UNC13C: variants seen among roughly 807,000 people sequenced by gnomAD.
UNC13C encodes the protein protein unc-13 homolog C.
UNC13C carries 174 observed loss-of-function variants against 245.4 expected under a neutral mutation model. The ratio of observed to expected loss-of-function variants is 0.71; its 90% CI spans 0.63 to 0.80. The LOEUF is 0.80. Ranked by LOEUF, UNC13C falls within the 30% of genes least tolerant of loss-of-function variation. UNC13C has a pLI of 0.00. For synonymous variants in UNC13C, 992 were observed against 895.1 expected (o/e 1.11, Z -1.93); for missense variants, 2,829 against 2,602.9 (o/e 1.09, Z -1.89).
At chr15:54,108,257 G>A (rs1351438536) in intron 2 of UNC13C, among the ~76,000 whole-genome samples, 1 of 152,202 alleles carries the variant, frequency 6.6e-6, no homozygotes, top group South Asian at 2.1e-4. Context: ...CGCGATCTTG[G>A]CTCGCTGCAA....
intron 17 of UNC13C, among the ~76,000 whole-genome samples, chr15:54,367,032 T>G (rs1293950457): frequency 6.6e-6 from 1 of 152,186 alleles, no homozygotes; most frequent in African/African-American, 2.4e-5. Context: ...TTATGATGCA[T>G]GTAATTTAAT....
At chr15:53,911,574 A>C in the UNC13C span, 1 of 152,318 alleles carries the variant, frequency 6.6e-6, no homozygotes, top group African/African-American at 2.4e-5. Context: ...GAGATGGAGA[A>C]TCTGGCTTCT....
intron 15 of UNC13C, among the ~76,000 whole-genome samples, chr15:54,332,618 G>A (rs2038468977): frequency 6.6e-6 from 1 of 151,720 alleles, no homozygotes; most frequent in South Asian, 2.1e-4. Flanking sequence ...TCACCTCCTG[G>A]GGAAACACAT....
intron 4 of UNC13C, among the ~76,000 whole-genome samples, chr15:54,146,734 C>G (rs1244057123): frequency 6.6e-6 from 1 of 152,116 alleles, no homozygotes; most frequent in Non-Finnish European, 1.5e-5. Flanking sequence ...AGCAAAGAGT[C>G]ATACAGAAAG....
chr15:54,138,747 A>T (rs1313222711), intron 2 of UNC13C, among the ~76,000 whole-genome samples: 1 of 151,790 alleles, frequency 6.6e-6, no homozygotes, highest in African/African-American at 2.4e-5. Context: ...AAATTGAGTG[A>T]CTTAGAGTAG....
intron 1 of UNC13C, among the ~76,000 whole-genome samples, chr15:53,979,923 G>A (rs1353938426): frequency 6.6e-6 from 1 of 152,084 alleles, no homozygotes; most frequent in Non-Finnish European, 1.5e-5. Context: ...AATTAAATGT[G>A]CATATGTCTA....
At chr15:54,354,341 G>T (rs1456121389) in intron 17 of UNC13C, among the ~76,000 whole-genome samples, 2 of 152,184 alleles carry the variant, frequency 1.3e-5, no homozygotes, top group African/African-American at 4.8e-5. Flanking sequence ...CCAGACAGGA[G>T]TTTGTGCTAT....
intron 2 of UNC13C, among the ~76,000 whole-genome samples, chr15:54,073,365 T>G (rs1285948419): frequency 6.6e-6 from 1 of 152,146 alleles, no homozygotes; most frequent in Non-Finnish European, 1.5e-5. Flanking sequence ...TCTTTATAGT[T>G]GAATGATTTA....
the UNC13C span, among the ~76,000 whole-genome samples, chr15:53,858,640 C>T: frequency 1.3e-5 from 2 of 151,910 alleles, no homozygotes; most frequent in Non-Finnish European, 2.9e-5. Context: ...AGGCTGGTCT[C>T]GAACTCCTGA....
At chr15:53,936,925 A>C in the UNC13C span, among the ~76,000 whole-genome samples, 1 of 152,188 alleles carries the variant, frequency 6.6e-6, no homozygotes, top group African/African-American at 2.4e-5. Flanking sequence ...AAAGATGAGA[A>C]AGAATCAATG....
At position 54,033,129 on chromosome 15, in the gene UNC13C, T is replaced by A. The variant is rs149676815; in HGVS notation, c.2983+17243T>A. Among the ~76,000 whole-genome samples the A allele has an allele frequency of 2.1e-3, 314 of 152,092 alleles. 2 individuals carry two copies. The highest frequency in any genetic ancestry group is 7.1e-3 in the African/African-American group (296 of 41,478). On this transcript the variant is annotated intron_variant, in intron 2 of 32. Transcript: ENST00000260323. ...AAATACCACGTGTTCCCTAAAAACCTATGGAAATAAAAAAAATTTAAGATG... is the reference window on the plus strand; with the variant it reads ...AAATACCACGTGTTCCCTAAAAACCAATGGAAATAAAAAAAATTTAAGATG...
chr15:54,123,646 CCAGTTTCTCCCAG>C (rs1230159657), intron 2 of UNC13C, among the ~76,000 whole-genome samples: 3 of 152,032 alleles, frequency 2.0e-5, no homozygotes, highest in Admixed American at 6.6e-5. Context: ...TTATCCTTCA[CCAGTTTCTCCCAG>C]CAGTTACATC....
At chr15:54,017,288 A>G (rs2140998065) in intron 2 of UNC13C, among the ~76,000 whole-genome samples, 1 of 152,278 alleles carries the variant, frequency 6.6e-6, no homozygotes, top group South Asian at 2.1e-4. Context: ...AAAAGTAGTC[A>G]AATGTTATGC....
At chr15:54,143,578 A>C in intron 3 of UNC13C, 42 bp from the exon 4 acceptor site, 1 of 1,565,936 alleles carries the variant, frequency 6.4e-7, no homozygotes, top group Non-Finnish European at 8.8e-7. Flanking sequence ...GTAGTATGCT[A>C]AAAGCCTGTT....
At chr15:54,372,825 A>G (rs1169343332) in intron 17 of UNC13C, among the ~76,000 whole-genome samples, 1 of 152,234 alleles carries the variant, frequency 6.6e-6, no homozygotes, top group Non-Finnish European at 1.5e-5. Context: ...GAAGCATTCT[A>G]TACCTGCATT....
At chr15:54,378,383 C>T (rs1011102718) in intron 17 of UNC13C, among the ~76,000 whole-genome samples, 7 of 151,892 alleles carry the variant, frequency 4.6e-5, no homozygotes, top group African/African-American at 1.7e-4. Flanking sequence ...TTTTTTAATA[C>T]AAGTGTAATT....
At chr15:54,208,061 G>T (rs1037876439) in intron 4 of UNC13C, among the ~76,000 whole-genome samples, 3 of 152,112 alleles carry the variant, frequency 2.0e-5, no homozygotes, top group Admixed American at 2.0e-4. Context: ...CACTTGCTCA[G>T]CTTCTGGTGA....
chr15:54,396,338 A>T (rs1221436465), intron 18 of UNC13C, among the ~76,000 whole-genome samples: 1 of 151,658 alleles, frequency 6.6e-6, no homozygotes, highest in African/African-American at 2.4e-5. Context: ...TTATGTGTAA[A>T]TGTAATCATA....
At chr15:54,249,867 G>A (rs756686274) in intron 7 of UNC13C, among the ~76,000 whole-genome samples, 11 of 152,112 alleles carry the variant, frequency 7.2e-5, no homozygotes, top group African/African-American at 9.7e-5. Context: ...AGGAAATAAC[G>A]GCCTGGGTAG....
Sources: gnomAD v4.1 joint callset for allele counts (sites outside exome capture counted in the v4.1 genomes callset) on GRCh38, gnomAD v4.1.1 for gene constraint, MANE v1.5 for transcripts, NCBI Gene and HGNC (gene_info 2026-07-23, HGNC 2026-07-21) for gene names.